NELL1: variants seen among roughly 807,000 people sequenced by gnomAD.
The protein encoded by NELL1 is protein kinase C-binding protein NELL1.
A neutral mutation model predicts 107.4 loss-of-function variants in NELL1; 76 were observed. The observed-to-expected ratio is 0.71, with a 90% CI of 0.59 to 0.86. NELL1 has a LOEUF of 0.86. NELL1 is among the 40% of genes least tolerant of loss of function. The pLI, the probability that NELL1 is intolerant of heterozygous loss-of-function variation, is 0.00. For missense variants in NELL1, 1,024 were observed against 1,005.5 expected, an observed-to-expected ratio of 1.02 and a Z score of -0.25; for synonymous variants, 353 against 341.2, an observed-to-expected ratio of 1.03 and a Z score of -0.38.
At chr11:20,790,904 C>G (rs2133990686) in intron 3 of NELL1, among the ~76,000 whole-genome samples, 1 of 152,346 alleles carries the variant, frequency 6.6e-6, no homozygotes, top group South Asian at 2.1e-4. Context: ...CTGCTCCAGA[C>G]AGCCTGCCGC....
intron 13 of NELL1, among the ~76,000 whole-genome samples, chr11:21,227,801 T>C (rs975190914): frequency 3.3e-5 from 5 of 152,188 alleles, no homozygotes; most frequent in African/African-American, 7.2e-5. Flanking sequence ...AAAAATTTTA[T>C]TTGGAAAATT....
chr11:21,074,926 G>A (rs1015956047), intron 12 of NELL1, among the ~76,000 whole-genome samples: 1 of 152,108 alleles, frequency 6.6e-6, no homozygotes, highest in Admixed American at 6.6e-5. Flanking sequence ...GAAATTCAGA[G>A]AATTCTCTGA....
intron 13 of NELL1, among the ~76,000 whole-genome samples, chr11:21,216,536 C>A (rs904990566): frequency 6.6e-6 from 1 of 152,200 alleles, no homozygotes; most frequent in Non-Finnish European, 1.5e-5. Flanking sequence ...AGGGCTGGAG[C>A]TGCTCAACAC....
intron 14 of NELL1, among the ~76,000 whole-genome samples, chr11:21,282,202 G>C (rs145435718): frequency 2.0e-5 from 3 of 152,042 alleles, no homozygotes; most frequent in Non-Finnish European, 2.9e-5. Flanking sequence ...CTGAATAGAC[G>C]TTTCTCAAAA....
At chr11:21,338,708 G>A (rs369102640) in intron 14 of NELL1, among the ~76,000 whole-genome samples, 1 of 139,840 alleles carries the variant, frequency 7.2e-6, no homozygotes, top group Non-Finnish European at 1.6e-5. Flanking sequence ...CTTTTTTTTT[G>A]TTCAATGTCT....
At chr11:20,818,429 T>C (rs896174294) in intron 3 of NELL1, among the ~76,000 whole-genome samples, 1 of 54,284 alleles carries the variant, frequency 1.8e-5, no homozygotes, top group Non-Finnish European at 4.2e-5. Context: ...TTTTTTTTTT[T>C]GTCTTCGGAA....
intron 12 of NELL1, among the ~76,000 whole-genome samples, chr11:21,078,264 TTTC>T (rs754165480): frequency 5.3e-5 from 8 of 152,090 alleles, no homozygotes; most frequent in Non-Finnish European, 7.4e-5. Context: ...CAGCCAAATT[TTTC>T]TTTCTATATG....
intron 13 of NELL1, among the ~76,000 whole-genome samples, chr11:21,195,057 A>G (rs1478578914): frequency 6.6e-6 from 1 of 152,150 alleles, no homozygotes; most frequent in African/African-American, 2.4e-5. Flanking sequence ...TAGGAAACTA[A>G]TGTCTCTGAG....
At chr11:20,798,200 A>G (rs1271616278) in intron 3 of NELL1, among the ~76,000 whole-genome samples, 1 of 152,230 alleles carries the variant, frequency 6.6e-6, no homozygotes, top group Non-Finnish European at 1.5e-5. Flanking sequence ...ATGTCCAGAA[A>G]ATGAGGATGT....
chr11:20,972,224 T>C (rs1851516142), intron 12 of NELL1, among the ~76,000 whole-genome samples: 1 of 152,074 alleles, frequency 6.6e-6, no homozygotes, highest in South Asian at 2.1e-4. Flanking sequence ...AATAAATTGC[T>C]ATAAGAACTA....
intron 15 of NELL1, among the ~76,000 whole-genome samples, chr11:21,514,306 A>G (rs1424357733): frequency 1.3e-5 from 2 of 152,240 alleles, no homozygotes; most frequent in Non-Finnish European, 2.9e-5. Flanking sequence ...TATTTGGCAT[A>G]TAAAAATGAA....
At chr11:21,031,937 T>C (rs1366339680) in intron 12 of NELL1, among the ~76,000 whole-genome samples, 1 of 151,774 alleles carries the variant, frequency 6.6e-6, no homozygotes, top group Non-Finnish European at 1.5e-5. Flanking sequence ...TCCAGCTACT[T>C]AAGAGGCTGA....
At chr11:20,990,814 G>A (rs1442912240) in intron 12 of NELL1, among the ~76,000 whole-genome samples, 1 of 152,174 alleles carries the variant, frequency 6.6e-6, no homozygotes, top group Admixed American at 6.5e-5. Flanking sequence ...TAGGATTTGA[G>A]TACTTGGCTT....
chr11:20,763,348 G>C (rs948783035), intron 2 of NELL1, among the ~76,000 whole-genome samples: 1 of 152,110 alleles, frequency 6.6e-6, no homozygotes, highest in Non-Finnish European at 1.5e-5. Flanking sequence ...AAGTGAGAGC[G>C]ACATTTTCAA....
intron 3 of NELL1, among the ~76,000 whole-genome samples, chr11:20,785,615 C>T (rs1336328096): frequency 1.3e-5 from 2 of 152,190 alleles, no homozygotes; most frequent in African/African-American, 2.4e-5. Flanking sequence ...GCATGTGAAA[C>T]AGTTGCTATT....
intron 15 of NELL1, among the ~76,000 whole-genome samples, chr11:21,520,512 G>T (rs1361991630): frequency 6.6e-6 from 1 of 152,144 alleles, no homozygotes; most frequent in Non-Finnish European, 1.5e-5. Context: ...GCCTATAGGG[G>T]TGGTAATATG....
chr11:21,221,880 G>T (rs1448179692), intron 13 of NELL1, among the ~76,000 whole-genome samples: 2 of 151,798 alleles, frequency 1.3e-5, no homozygotes, highest in Non-Finnish European at 2.9e-5. Context: ...TTTTATAGAG[G>T]TGGTATTTCA....
chr11:21,351,476 G>A (rs1223756176), intron 14 of NELL1, among the ~76,000 whole-genome samples: 1 of 150,730 alleles, frequency 6.6e-6, no homozygotes, highest in Non-Finnish European at 1.5e-5. Flanking sequence ...AAAAATAATT[G>A]CAGGCAGAAA....
chr11:21,330,808 G>T (rs1291011735), intron 14 of NELL1, among the ~76,000 whole-genome samples: 1 of 151,826 alleles, frequency 6.6e-6, no homozygotes, highest in Non-Finnish European at 1.5e-5. Context: ...AAATATTTTT[G>T]TTCCTTTCTG....
Sources: gnomAD v4.1 joint callset for allele counts (sites outside exome capture counted in the v4.1 genomes callset) on GRCh38, gnomAD v4.1.1 for gene constraint, MANE v1.5 for transcripts, NCBI Gene and HGNC (gene_info 2026-07-23, HGNC 2026-07-21) for gene names.